TTN: variants seen among roughly 807,000 people sequenced by gnomAD.
TTN encodes titin.
A neutral mutation model predicts 3,223.0 loss-of-function variants in TTN; 1,525 were observed. The observed-to-expected ratio is 0.47, with a 90% CI of 0.45 to 0.49. TTN has a LOEUF of 0.49. TTN is among the 20% of genes least tolerant of loss of function. TTN has a pLI of 0.00. For missense variants in TTN, 40,786 were observed against 43,424.0 expected, an observed-to-expected ratio of 0.94 and a Z score of 5.40; for synonymous variants, 14,094 against 15,161.0, an observed-to-expected ratio of 0.93 and a Z score of 5.17.
chr2:178,531,939 A>G lies in TTN; in HGVS notation c.104676T>C (p.Ser34892=). Residue 34892 remains serine, a synonymous_variant, in exon 358 of 363, where the codon AGT becomes AGC. Coordinates refer to ENST00000589042, the MANE Select transcript of TTN (RefSeq NM_001267550.2). ...TCTCAAATCTCGAGAGTGATCTCTCACTAGACACAGGGCTGGGGGATCGTG... is the reference window on the plus strand; with the variant it reads ...TCTCAAATCTCGAGAGTGATCTCTCGCTAGACACAGGGCTGGGGGATCGTG... ...TRPRSPSPVS[S]ERSLSRFERS... is the part of the protein sequence containing the mutation. The G allele has an allele frequency of 1.2e-6, 2 of 1,613,498 alleles. No homozygotes were observed. Among genetic ancestry groups the G allele is most frequent in the Non-Finnish European group, 1.7e-6 (2 of 1,179,720 alleles).
chr2:178,722,738 G>T lies in TTN; in HGVS notation c.22161C>A (p.Ile7387=), dbSNP rs1405946063. 6.2e-7 allele frequency: 1 copy of T among 1,613,158 alleles called. No homozygotes were observed. Among genetic ancestry groups the T allele is most frequent in the Non-Finnish European group, 8.5e-7 (1 of 1,179,498 alleles). ...TGCATGTGTACTCTCCACTGTCATT[G>T]ATGTTCACTTTATTAAAAACAAGTG... ...VATLVFNKVN[I]NDSGEYTCKA... is the part of the protein sequence containing the mutation. Residue 7387 remains isoleucine (I), a synonymous_variant, in exon 76 of 363, where the codon ATC becomes ATA. Coordinates refer to ENST00000589042, the MANE Select transcript of TTN (RefSeq NM_001267550.2).
intron 238 of TTN, 142 bp downstream of exon 238, chr2:178,630,662 C>T (rs1559940958): frequency 1.6e-6 from 2 of 1,280,058 alleles, no homozygotes; most frequent in South Asian, 3.0e-5. Context: ...ATTCATAGAC[C>T]CTGACATCTC....
intron 232 of TTN, 29 bp from the exon 233 acceptor site, chr2:178,633,355 CTG>C: frequency 6.2e-7 from 1 of 1,613,010 alleles, no homozygotes; most frequent in Non-Finnish European, 8.5e-7. Flanking sequence ...GTTAGCATGA[CTG>C]AACTAATAAA....
At position 178,795,255 on chromosome 2, in the gene TTN, G is replaced by A. The variant is rs1561472697; in HGVS notation, c.915-3C>T. 1.2e-6 allele frequency: 2 copies of A among 1,614,054 alleles called. No individual in the cohort carries two copies. Among genetic ancestry groups the A allele is most frequent in the Non-Finnish European group, 1.7e-6 (2 of 1,179,964 alleles). On this transcript the variant is annotated splice_polypyrimidine_tract_variant and splice_region_variant and intron_variant, in intron 6 of 362. Coordinates refer to ENST00000589042, the MANE Select transcript of TTN (RefSeq NM_001267550.2). ...TTCTTGCTGCTGGAGACACGGACCT[G>A]AAAACCAAAAGGCAGAGGTCAAGAA...
chr2:178,591,853 A>G lies in TTN; in HGVS notation c.59966T>C (p.Val19989Ala), dbSNP rs778982581. 1.4e-5 allele frequency: 22 copies of G among 1,613,180 alleles called. No homozygotes were observed. The highest frequency in any genetic ancestry group is 1.7e-5 in the Non-Finnish European group (20 of 1,179,564). The change falls in exon 303 of 363, where the codon GTT (valine) becomes GCT (alanine). Residue 19989 changes from valine (V) to alanine (A), a missense_variant. By Grantham distance (64) the Val-to-Ala change is moderately conservative. Coordinates refer to ENST00000589042, the MANE Select transcript of TTN (RefSeq NM_001267550.2). ...GACTAGGGAGACTTCAGTCTTGTCA[A>G]CATCTACATGGTGCAGGTCCTTGGG... ...GPPKDLHHVD[V>A]DKTEVSLVWN...
chr2:178,564,390 T>G lies in TTN; in HGVS notation c.81742A>C (p.Arg27248=). ...TCACTAAAGTTTCCAGCTGCATTTC[T>G]TGCAATTACTCTAAATTCATATCTT... The part of the protein sequence containing the change: ...DQRYEFRVIA[R]NAAGNFSEPS... Residue 27248 remains arginine (R), a synonymous_variant, in exon 326 of 363, where the codon AGA becomes CGA. Transcript: ENST00000589042. 6.2e-7 allele frequency: 1 copy of G among 1,613,654 alleles called. No homozygotes were observed.
In TTN at chr2:178,587,188, A is replaced by G. The variant is rs747104609; in HGVS notation, c.64023T>C (p.Thr21341=). ...VPGNEYYFRV[T]AVNEYGPGVP... Reference sequence around the variant, plus strand: ...CGCCAGGGCCATATTCGTTGACAGCAGTTACTCTGAAGTAATACTCATTCC... The same window carrying G: ...CGCCAGGGCCATATTCGTTGACAGCGGTTACTCTGAAGTAATACTCATTCC... The change falls in exon 307 of 363, where the codon ACT becomes ACC. Residue 21341 remains threonine, a synonymous_variant. Coordinates refer to ENST00000589042, the MANE Select transcript of TTN (RefSeq NM_001267550.2). 1.4e-5 allele frequency: 22 copies of G among 1,613,226 alleles called. No homozygotes were observed. Among genetic ancestry groups the G allele is most frequent in the Non-Finnish European group, 1.9e-5 (22 of 1,179,484 alleles).
intron 102 of TTN, 99 bp downstream of exon 102, chr2:178,706,355 T>G: frequency 7.7e-7 from 1 of 1,301,038 alleles, no homozygotes. Context: ...TTAAATTTTT[T>G]GTTCTTTAAT....
chr2:178,625,463 A>T, intron 240 of TTN, 67 bp from the exon 241 acceptor site: 1 of 1,433,558 alleles, frequency 7.0e-7, no homozygotes, highest in Non-Finnish European at 9.1e-7. Flanking sequence ...TAATTCATTT[A>T]GATAAAAATA....
chr2:178,565,229 A>G lies in TTN; in HGVS notation c.80903T>C (p.Ile26968Thr), dbSNP rs369539943. Residue 26968 changes from isoleucine (I) to threonine (T), a missense_variant, in exon 326 of 363, where the codon ATC becomes ACC. By Grantham distance (89) the Ile-to-Thr change is moderately conservative. Transcript: ENST00000589042. ...TGGAGGTCCAGGCTTTTCTAAAACGATAACACTGAGATTTTCTGTTGCTGT... is the reference window on the plus strand; with the variant it reads ...TGGAGGTCCAGGCTTTTCTAAAACGGTAACACTGAGATTTTCTGTTGCTGT... ...AGTATENLSV[I>T]VLEKPGPPVG... 8 of 1,613,460 alleles carry G rather than the reference A, an allele frequency of 5.0e-6. No individual in the cohort carries two copies. The highest frequency in any genetic ancestry group is 2.2e-5 in the East Asian group (1 of 44,830).
In TTN at chr2:178,731,484, A is replaced by G; in HGVS notation, c.17282T>C (p.Val5761Ala). The change falls in exon 59 of 363, where the codon GTG (valine) becomes GCG (alanine). Residue 5761 changes from valine (V) to alanine (A), a missense_variant. By Grantham distance (64) the Val-to-Ala change is moderately conservative (BLOSUM62 0). Transcript: ENST00000589042. ...ATLKGSLPIT[V>A]TWLKDSDEIT... ...TTCATCGCTGTCTTTTAGCCAAGTCACCGTAATTGGCAAGGAGCCCTTCAG... is the reference window on the plus strand; with the variant it reads ...TTCATCGCTGTCTTTTAGCCAAGTCGCCGTAATTGGCAAGGAGCCCTTCAG... 7 of 1,613,600 alleles carry G rather than the reference A, an allele frequency of 4.3e-6. No homozygotes were observed. The highest frequency in any genetic ancestry group is 4.2e-6 in the Non-Finnish European group (5 of 1,179,742).
intron 206 of TTN, 47 bp downstream of exon 206, chr2:178,651,619 C>T: frequency 1.2e-6 from 2 of 1,612,232 alleles, no homozygotes; most frequent in Non-Finnish European, 1.7e-6. Context: ...GAATATGACA[C>T]TTCAAAGAAA....
chr2:178,663,540 C>G (rs774034492), intron 171 of TTN, 24 bp from the exon 172 acceptor site: 1 of 1,613,486 alleles, frequency 6.2e-7, no homozygotes, highest in Non-Finnish European at 8.5e-7. Flanking sequence ...AGTGAAATTA[C>G]ATTTAGGCAT....
chr2:178,599,855 A>G lies in TTN; in HGVS notation c.56051-5T>C, dbSNP rs1246778196. 2 of 1,546,264 alleles carry G rather than the reference A, an allele frequency of 1.3e-6. No homozygotes were observed. Among genetic ancestry groups the G allele is most frequent in the Admixed American group, 2.1e-5 (1 of 46,732 alleles). ...TTAGATCAATTGATGGTGGGCCTAG[A>G]TTATTTAAAAAAAGTTGTCATTAGG... On this transcript the variant is annotated splice_region_variant and splice_polypyrimidine_tract_variant and intron_variant, in intron 288 of 362. Transcript: ENST00000589042.
chr2:178,597,411 CA>C (rs2052000792), intron 294 of TTN, 126 bp downstream of exon 294: 1 of 1,123,432 alleles, frequency 8.9e-7, no homozygotes, highest in African/African-American at 1.6e-5. Flanking sequence ...TAATAATGTT[CA>C]ACATGATTAT....
At chr2:178,802,439 AG>A (rs2094116509) in intron 2 of TTN, 98 bp from the exon 3 acceptor site, 7 of 1,390,364 alleles carry the variant, frequency 5.0e-6, no homozygotes, top group Middle Eastern at 2.2e-4. Context: ...AATCTGTAAA[AG>A]CTTTCCAGCA....
chr2:178,582,874 G>C lies in TTN; in HGVS notation c.65863+66C>G, dbSNP rs547502558. 5 of 1,305,002 alleles carry C rather than the reference G, an allele frequency of 3.8e-6. No individual in the cohort carries two copies. The African/African-American group carries it at 7.4e-5, about 19-fold the overall frequency. The allele number at this position is 1,305,002 out of a possible 1,614,324, so 80.8% of individuals were successfully genotyped here. A position where few individuals can be genotyped will look rare whatever the true frequency, so the allele number is the denominator to read the frequency against. On this transcript the variant is annotated intron_variant, in intron 313 of 362. Transcript: ENST00000589042. Reference sequence around the variant, plus strand: ...TGAATGTCTTCTCCCACATTATTCTGTAAATCCTATTTACATCCCATTATC... The same window carrying C: ...TGAATGTCTTCTCCCACATTATTCTCTAAATCCTATTTACATCCCATTATC...
Position 178,635,608 on chromosome 2 carries a change from A to G in TTN, c.41716T>C (p.Trp13906Arg). The G allele has an allele frequency of 6.3e-7, 1 of 1,593,788 alleles. No homozygotes were observed. The highest frequency in any genetic ancestry group is 8.6e-7 in the Non-Finnish European group (1 of 1,168,926). ...GGGATTTCATCATATCCTTTGAACC[A>G]CTTAATGTTTGGAGTATCTTTTGCT... ...DIAKDTPNIKWFKGYDEIPAE... is the reference protein window; with the variant it reads ...DIAKDTPNIKRFKGYDEIPAE... Residue 13906 changes from tryptophan (W) to arginine (R), a missense_variant, in exon 227 of 363, where the codon TGG becomes CGG. Physicochemically the swap from Trp to Arg is moderately radical, Grantham distance 101 (BLOSUM62 -3). Coordinates refer to ENST00000589042, the MANE Select transcript of TTN (RefSeq NM_001267550.2).
intron 137 of TTN, 68 bp from the exon 138 acceptor site, chr2:178,681,239 TA>T: frequency 1.4e-6 from 2 of 1,474,170 alleles, no homozygotes; most frequent in Admixed American, 2.2e-5. Context: ...TAAATACACA[TA>T]AAAAACTGAA....
Sources: allele counts gnomAD v4.1 joint callset, GRCh38; gene constraint gnomAD v4.1.1; transcripts MANE v1.5; gene names NCBI Gene and HGNC (gene_info 2026-07-23, HGNC 2026-07-21).